Variants in SLC13A1 observed in about 807,000 individuals in gnomAD.
The protein encoded by SLC13A1 is solute carrier family 13 member 1.
A neutral mutation model predicts 70.0 loss-of-function variants in SLC13A1; 65 were observed. The observed-to-expected ratio is 0.93, with a 90% CI of 0.76 to 1.14. The LOEUF is 1.14. Ranked by LOEUF, SLC13A1 falls within the 50% of genes most tolerant of loss-of-function variation. SLC13A1 has a pLI of 0.00. For synonymous variants in SLC13A1, 275 were observed against 250.5 expected, an observed-to-expected ratio of 1.10 and a Z score of -0.92; for missense variants, 726 against 717.8, an observed-to-expected ratio of 1.01 and a Z score of -0.13.
intron 10 of SLC13A1, among the ~76,000 whole-genome samples, chr7:123,127,991 G>C (rs962479341): frequency 4.6e-5 from 7 of 151,648 alleles, no homozygotes; most frequent in African/African-American, 1.7e-4. Flanking sequence ...TGACATATAG[G>C]ATGGTCCTTA....
At chr7:123,173,246 T>C (rs535134155) in intron 2 of SLC13A1, among the ~76,000 whole-genome samples, 31 of 152,310 alleles carry the variant, frequency 2.0e-4, no homozygotes, top group Non-Finnish European at 3.4e-4. Flanking sequence ...CATAATTTGC[T>C]AAGCTTGGCT....
chr7:123,194,147 C>CA (rs1477921449), intron 1 of SLC13A1, among the ~76,000 whole-genome samples: 2 of 152,040 alleles, frequency 1.3e-5, no homozygotes, highest in Non-Finnish European at 2.9e-5. Flanking sequence ...AAAGATAAAG[C>CA]AAAACGGAAG....
At chr7:123,166,518 A>G (rs370189568) in intron 6 of SLC13A1, among the ~76,000 whole-genome samples, 9 of 151,996 alleles carry the variant, frequency 5.9e-5, no homozygotes, top group South Asian at 4.1e-4. Context: ...AACATTAGGT[A>G]TATCTCCTAA....
intron 3 of SLC13A1, among the ~76,000 whole-genome samples, chr7:123,171,495 C>G (rs1414230865): frequency 6.6e-6 from 1 of 152,206 alleles, no homozygotes; most frequent in Non-Finnish European, 1.5e-5. Context: ...AAGCTTCTCT[C>G]AGCTTTGACT....
chr7:123,186,314 A>C (rs1585401345), intron 1 of SLC13A1, among the ~76,000 whole-genome samples: 1 of 152,208 alleles, frequency 6.6e-6, no homozygotes, highest in Non-Finnish European at 1.5e-5. Flanking sequence ...AGTTCTTCTG[A>C]TGAAGAAGAA....
At chr7:123,123,283 T>C (rs199926777) in intron 11 of SLC13A1, 48 bp from the exon 12 acceptor site, 2 of 1,186,084 alleles carry the variant, frequency 1.7e-6, no homozygotes, top group Admixed American at 1.7e-5. Context: ...AATATTACAA[T>C]ATGACATTTG....
intron 9 of SLC13A1, 77 bp downstream of exon 9, chr7:123,129,306 A>G: frequency 8.3e-7 from 1 of 1,208,988 alleles, no homozygotes; most frequent in Non-Finnish European, 1.2e-6. Context: ...TGCAGTGTAA[A>G]CAGCATTTCT....
Position 123,164,718 on chromosome 7 carries a change from T to C in SLC13A1, c.660+3656A>G, listed in dbSNP as rs140415539. Among the ~76,000 whole-genome samples the C allele has an allele frequency of 7.8e-3, 1,182 of 151,790 alleles. 16 individuals carry two copies. Among genetic ancestry groups the C allele is most frequent in the African/African-American group, 0.027 (1,123 of 41,420 alleles). The stretch of plus-strand genomic sequence containing the variant: ...AAATTCATAACACTAAATGCCCATA[T>C]CAAAAAGTTAGAAAGACCTCAAATT... On this transcript the variant is annotated intron_variant, in intron 6 of 14. Transcript: ENST00000194130.
At chr7:123,178,033 C>A (rs118071687) in intron 2 of SLC13A1, among the ~76,000 whole-genome samples, 6,642 of 149,978 alleles carry the variant, frequency 0.044, 162 homozygotes, top group East Asian at 0.079. Flanking sequence ...CTCTCTCTCT[C>A]TATATATATA....
At chr7:123,154,878 A>C (rs1286167417) in intron 6 of SLC13A1, among the ~76,000 whole-genome samples, 1 of 152,062 alleles carries the variant, frequency 6.6e-6, no homozygotes, top group Non-Finnish European at 1.5e-5. Context: ...ATCTAGACTT[A>C]AGTCTTCCCT....
In SLC13A1 at chr7:123,147,271, G is replaced by A. The variant is rs1427603490; in HGVS notation, c.700C>T (p.His234Tyr). 1.2e-6 allele frequency: 2 copies of A among 1,613,550 alleles called. No homozygotes were observed. Among genetic ancestry groups the A allele is most frequent in the Admixed American group, 3.3e-5 (2 of 59,950 alleles). ...AAACACGTAAGTTTACGTGTCACGT[G>A]GCCCTTCTTTGTTCGATATTTGGTT... ...MRTKYRTKKGHVTRKLTCLCI... is the reference protein window; with the variant it reads ...MRTKYRTKKGYVTRKLTCLCI... Residue 234 changes from histidine (H) to tyrosine (Y), a missense_variant, in exon 7 of 15, where the codon CAC (histidine) becomes TAC (tyrosine). His to Tyr is a moderately conservative substitution (Grantham distance 83). Transcript: ENST00000194130.
At chr7:123,129,661 T>G (rs1489147200) in intron 8 of SLC13A1, among the ~76,000 whole-genome samples, 180 bp from the exon 9 acceptor site, 2 of 152,156 alleles carry the variant, frequency 1.3e-5, no homozygotes, top group Admixed American at 1.3e-4. Context: ...CCTCCTTTTT[T>G]GAATGTTTTC....
Position 123,177,044 on chromosome 7 carries a change from C to T in SLC13A1, c.228+3929G>A, listed in dbSNP as rs907400075. Among the ~76,000 whole-genome samples the T allele has an allele frequency of 5.3e-5, 8 of 152,118 alleles. No homozygotes were observed. In the East Asian group the frequency reaches 1.5e-3, roughly 29 times the overall value. On this transcript the variant is annotated intron_variant, in intron 2 of 14. Coordinates refer to ENST00000194130, the MANE Select transcript of SLC13A1 (RefSeq NM_022444.4). ...GGACTCTTTTGTATTCAACTGCCTA[C>T]TCAACATCTTCACTTAGATGTCTAA...
rs148343045 is a variant in SLC13A1 at position 123,177,211 on chromosome 7, C to T, written c.228+3762G>A. Among the ~76,000 whole-genome samples, 1,268 of 152,206 alleles carry T rather than the reference C, an allele frequency of 8.3e-3. 18 individuals carry two copies. The highest frequency in any genetic ancestry group is 0.028 in the African/African-American group (1,178 of 41,526). On this transcript the variant is annotated intron_variant, in intron 2 of 14. Transcript: ENST00000194130. ...AATTGGCAGATAAGCTGTGAGGCAT[C>T]TTTGACACTTTTCTTCCAACCATAT...
chr7:123,130,607 A>G (rs770406466), intron 8 of SLC13A1, among the ~76,000 whole-genome samples: 13 of 152,146 alleles, frequency 8.5e-5, no homozygotes, highest in Non-Finnish European at 1.6e-4. Context: ...CAGGTAATGC[A>G]TGTGGGGCTT....
At chr7:123,194,620 A>T (rs1236996992) in intron 1 of SLC13A1, among the ~76,000 whole-genome samples, 1 of 152,052 alleles carries the variant, frequency 6.6e-6, no homozygotes, top group African/African-American at 2.4e-5. Context: ...TATGAAAGAA[A>T]GAGAAAGACA....
chr7:123,199,759 G>A, intron 1 of SLC13A1, 89 bp downstream of exon 1: 1 of 942,788 alleles, frequency 1.1e-6, no homozygotes, highest in Non-Finnish European at 1.7e-6. Flanking sequence ...ATTCAGCTCT[G>A]AGCCAGGCAG....
chr7:123,158,247 AT>A (rs1256054591), intron 6 of SLC13A1, among the ~76,000 whole-genome samples: 1 of 152,070 alleles, frequency 6.6e-6, no homozygotes, highest in Non-Finnish European at 1.5e-5. Context: ...TTTACATATG[AT>A]TAATAAAATT....
At chr7:123,165,329 C>T (rs1795034293) in intron 6 of SLC13A1, among the ~76,000 whole-genome samples, 1 of 152,076 alleles carries the variant, frequency 6.6e-6, no homozygotes, top group Admixed American at 6.6e-5. Context: ...ATAGAATCAA[C>T]ATTCAAAAGC....
Sources: allele counts gnomAD v4.1 joint callset (sites outside exome capture counted in the v4.1 genomes callset), GRCh38; gene constraint gnomAD v4.1.1; transcripts MANE v1.5; gene names NCBI Gene and HGNC (gene_info 2026-07-23, HGNC 2026-07-21).